TECR: variants seen among roughly 807,000 people sequenced by gnomAD.
TECR encodes the protein trans-2,3-enoyl-CoA reductase.
In TECR, 19 loss-of-function variants were observed where a neutral mutation model predicts 50.6. The observed-to-expected ratio is 0.38, with a 90% confidence interval of 0.26 to 0.55. TECR has a LOEUF of 0.55. Among genes scored for constraint, TECR ranks in the 20% least tolerant of loss-of-function variants. The pLI is 0.79. For missense variants in TECR, 313 were observed against 408.3 expected, an observed-to-expected ratio of 0.77 and a Z score of 2.01; for synonymous variants, 168 against 163.5, an observed-to-expected ratio of 1.03 and a Z score of -0.21.
intron 1 of TECR, chr19:14,530,070 C>T: frequency 5.1e-6 from 2 of 393,764 alleles, no homozygotes; most frequent in South Asian, 4.8e-5. Context: ...GAGTCTTGCA[C>T]AAATCTTGCG....
intron 1 of TECR, among the ~76,000 whole-genome samples, chr19:14,553,322 C>T (rs1197863343): frequency 2.0e-5 from 3 of 152,154 alleles, no homozygotes; most frequent in Non-Finnish European, 2.9e-5. Flanking sequence ...TGGCACCTCT[C>T]GTCTTGCCAG....
intron 1 of TECR, among the ~76,000 whole-genome samples, chr19:14,543,478 G>A (rs1460834436): frequency 2.7e-4 from 29 of 105,932 alleles, no homozygotes; most frequent in African/African-American, 1.0e-3. Context: ...TCGCTCTGTC[G>A]CCCAGGCTGG....
chr19:14,543,419 ATTTTTTTTTTTTTTTTTT>A (rs1169742953), intron 1 of TECR, among the ~76,000 whole-genome samples: 522 of 21,648 alleles, frequency 0.024, 11 homozygotes, highest in Non-Finnish European at 0.027. Flanking sequence ...ATATATATAT[ATTTTTTTTTTTTTTTTTT>A]TTTTTTTTTT....
chr19:14,528,077 T>C (rs1435165903), upstream of TECR, among the ~76,000 whole-genome samples: 2 of 151,490 alleles, frequency 1.3e-5, no homozygotes, highest in Non-Finnish European at 2.9e-5. Context: ...AGAGACAGGG[T>C]TTCACCACGT....
At chr19:14,549,716 G>A (rs966248828) in intron 1 of TECR, among the ~76,000 whole-genome samples, 1 of 151,978 alleles carries the variant, frequency 6.6e-6, no homozygotes, top group Non-Finnish European at 1.5e-5. Flanking sequence ...AGGCTTAGGC[G>A]GGCAGATCAC....
intron 1 of TECR, among the ~76,000 whole-genome samples, chr19:14,549,641 G>A (rs2146597631): frequency 6.6e-6 from 1 of 151,372 alleles, no homozygotes; most frequent in Admixed American, 6.6e-5. Flanking sequence ...CTCAGCTTTT[G>A]GCCTCTTTAT....
chr19:14,543,531 C>T (rs1478313581), intron 1 of TECR, among the ~76,000 whole-genome samples: 5 of 138,834 alleles, frequency 3.6e-5, no homozygotes, highest in South Asian at 2.3e-4. Flanking sequence ...CTCCGTCTCC[C>T]GGGTTCACGC....
Position 14,564,194 on chromosome 19 carries a change from C to A in TECR, c.396C>A (p.Ile132=). 6.2e-7 allele frequency: 1 copy of A among 1,607,858 alleles called. No homozygotes were observed. Among genetic ancestry groups the A allele is most frequent in the Non-Finnish European group, 8.5e-7 (1 of 1,179,852 alleles). The change falls in exon 7 of 13, where the codon ATC becomes ATA. Residue 132 remains isoleucine, a synonymous_variant. Coordinates refer to ENST00000215567, the MANE Select transcript of TECR (RefSeq NM_138501.6). The part of the protein sequence containing the change: ...SRHTVVHLAC[I]CHSFHYIKRL... Reference sequence around the variant, plus strand: ...TCCCCCCGACCAGCCTCGCCTGCATCTGTCACTCATTCCACTACATCAAGC... The same window carrying A: ...TCCCCCCGACCAGCCTCGCCTGCATATGTCACTCATTCCACTACATCAAGC...
At chr19:14,553,081 G>A (rs192865363) in intron 1 of TECR, among the ~76,000 whole-genome samples, 1 of 152,066 alleles carries the variant, frequency 6.6e-6, no homozygotes. Flanking sequence ...ACTTCCCACT[G>A]TGTTTGTCTT....
intron 1 of TECR, among the ~76,000 whole-genome samples, chr19:14,558,960 G>A (rs936278559): frequency 6.6e-6 from 1 of 152,156 alleles, no homozygotes; most frequent in African/African-American, 2.4e-5. Flanking sequence ...CCTGCCCCCT[G>A]TTGGCCTCAG....
At chr19:14,561,351 C>T (rs994991661) in intron 1 of TECR, among the ~76,000 whole-genome samples, 2 of 152,166 alleles carry the variant, frequency 1.3e-5, no homozygotes, top group Non-Finnish European at 2.9e-5. Context: ...ATCAGGCCTG[C>T]CTGCTTGCCA....
intron 1 of TECR, among the ~76,000 whole-genome samples, chr19:14,548,782 C>G (rs2073389046): frequency 6.6e-6 from 1 of 151,980 alleles, no homozygotes; most frequent in South Asian, 2.1e-4. Context: ...ACCATGTTGG[C>G]CAGGCTGGTC....
chr19:14,529,840 G>A (rs2072552099), intron 1 of TECR, 129 bp downstream of exon 1: 1 of 1,320,900 alleles, frequency 7.6e-7, no homozygotes, highest in Non-Finnish European at 1.1e-6. Flanking sequence ...AGGCGCAGTG[G>A]GCAAGCGTTG....
intron 1 of TECR, among the ~76,000 whole-genome samples, chr19:14,538,991 T>G (rs1392078484): frequency 1.3e-5 from 2 of 150,854 alleles, no homozygotes; most frequent in Non-Finnish European, 1.5e-5. Context: ...TTTTTTTTTT[T>G]GAGACAGAGT....
At chr19:14,562,461 G>C in intron 1 of TECR, 64 bp from the exon 2 acceptor site, 1 of 1,601,420 alleles carries the variant, frequency 6.2e-7, no homozygotes, top group South Asian at 1.1e-5. Flanking sequence ...GCCTCAATGG[G>C]CTCCCCAGGC....
intron 1 of TECR, among the ~76,000 whole-genome samples, chr19:14,549,185 A>G (rs1167498541): frequency 6.7e-6 from 1 of 149,556 alleles, no homozygotes; most frequent in Non-Finnish European, 1.5e-5. Context: ...ACCTTCACAG[A>G]ATTATTTCCA....
intron 1 of TECR, among the ~76,000 whole-genome samples, chr19:14,550,162 A>G (rs1438667505): frequency 5.3e-5 from 8 of 152,162 alleles, no homozygotes; most frequent in African/African-American, 1.7e-4. Context: ...AGTCCTTAAC[A>G]GGGCCTGGCA....
chr19:14,547,434 C>T (rs1391865091), intron 1 of TECR, among the ~76,000 whole-genome samples: 1 of 152,126 alleles, frequency 6.6e-6, no homozygotes, highest in Non-Finnish European at 1.5e-5. Context: ...GAACTCTGCT[C>T]ACTGCAACCT....
At chr19:14,539,023 G>T (rs1322357822) in intron 1 of TECR, among the ~76,000 whole-genome samples, 6 of 150,440 alleles carry the variant, frequency 4.0e-5, no homozygotes, top group African/African-American at 1.5e-4. Context: ...ACCCAGGCTG[G>T]AGTTCAGTGG....
Sources: gnomAD v4.1 joint callset for allele counts (sites outside exome capture counted in the v4.1 genomes callset) on GRCh38, gnomAD v4.1.1 for gene constraint, MANE v1.5 for transcripts, NCBI Gene and HGNC (gene_info 2026-07-23, HGNC 2026-07-21) for gene names.